The following GPRASP1 variants were observed in gnomAD, a reference collection of about 807,000 sequenced individuals.
The protein encoded by GPRASP1 is G protein-coupled receptor-associated sorting protein 1.
Under a neutral mutation model 68.4 loss-of-function variants are expected in GPRASP1, and 28 were observed. The observed-to-expected ratio is 0.41, with a 90% confidence interval of 0.30 to 0.56. GPRASP1 has a LOEUF of 0.56. Ranked by LOEUF, GPRASP1 falls within the 20% of genes least tolerant of loss-of-function variation. GPRASP1 has a pLI of 0.29. For synonymous variants in GPRASP1, 304 were observed against 358.2 expected, an observed-to-expected ratio of 0.85 and a Z score of 1.71; for missense variants, 913 against 1,031.5, an observed-to-expected ratio of 0.89 and a Z score of 1.57.
At position 102,657,895 on chromosome X, in the gene GPRASP1, A is replaced by C. The variant is rs774704493; in HGVS notation, c.3982A>C (p.Arg1328=). Residue 1328 remains arginine (R), a synonymous_variant, in exon 6 of 6, where the codon AGG becomes CGG. Transcript: ENST00000537097. ...AVSEFIGLFN[R]EETNDNIQIV... is the part of the protein sequence containing the mutation. ...GTCAGAATTTATAGGCCTCTTTAAC[A>C]GGGAAGAGACAAATGACAATATTCA... 8.4e-7 allele frequency: 1 copy of C among 1,185,963 alleles called. No individual in the cohort carries two copies. The highest frequency in any genetic ancestry group is 1.1e-6 in the Non-Finnish European group (1 of 874,156).
chrX:102,654,015 G>C lies in GPRASP1; in HGVS notation c.102G>C (p.Leu34=). The C allele has an allele frequency of 8.3e-7, 1 of 1,211,086 alleles. No homozygotes were observed. The highest frequency in any genetic ancestry group is 1.1e-6 in the Non-Finnish European group (1 of 894,547). Residue 34 remains leucine (L), a synonymous_variant, in exon 6 of 6, where the codon CTG becomes CTC. Coordinates refer to ENST00000537097, the MANE Select transcript of GPRASP1 (RefSeq NM_001184727.2). ...CTGAGATAGAGAATGATGTCCCTCT[G>C]GTGGTCAGACCCAAGGTTAGGACCC... ...GGAEIENDVP[L]VVRPKVRTQA... is the part of the protein sequence containing the mutation.
intron 3 of GPRASP1, among the ~76,000 whole-genome samples, chrX:102,652,489 A>T (rs1386222521): frequency 1.8e-5 from 2 of 112,853 alleles, no homozygotes. Context: ...AGGGAGACAT[A>T]CTGACAAGTA....
At position 102,655,469 on chromosome X, in the gene GPRASP1, G is replaced by A. The variant is rs2081400152; in HGVS notation, c.1556G>A (p.Gly519Glu). The change falls in exon 6 of 6, where the codon GGG (glycine) becomes GAG (glutamate). Residue 519 changes from glycine (G) to glutamate (E), a missense_variant. Gly to Glu is a moderately conservative substitution (Grantham distance 98). Transcript: ENST00000537097. ...GAGGCTGAGGAAGAGACCATTTTTGGGTCGTGGTTCTGGGTCATTGATGCG... is the reference window on the plus strand; with the variant it reads ...GAGGCTGAGGAAGAGACCATTTTTGAGTCGTGGTTCTGGGTCATTGATGCG... ...NQEAEEETIFGSWFWVIDAAS... is the reference protein window; with the variant it reads ...NQEAEEETIFESWFWVIDAAS... 1 of 1,211,397 alleles carries A rather than the reference G, an allele frequency of 8.3e-7. No individual in the cohort carries two copies. The highest frequency in any genetic ancestry group is 1.1e-6 in the Non-Finnish European group (1 of 895,304).
Position 102,654,277 on chromosome X carries a change from G to A in GPRASP1, c.364G>A (p.Val122Ile). Residue 122 changes from valine to isoleucine, a missense_variant, in exon 6 of 6, where the codon GTC becomes ATC. Val to Ile is a conservative substitution (Grantham distance 29). Transcript: ENST00000537097. ...SQTNIIASPLVSTDSVLVAKT... is the reference protein window; with the variant it reads ...SQTNIIASPLISTDSVLVAKT... ...GACCAATATCATAGCCTCTCCACTT[G>A]TCAGTACTGATTCTGTCTTGGTTGC... 8.3e-7 allele frequency: 1 copy of A among 1,210,331 alleles called. No individual in the cohort carries two copies. The highest frequency in any genetic ancestry group is 1.1e-6 in the Non-Finnish European group (1 of 893,963).
In GPRASP1 at chrX:102,657,596, C is replaced by T. The variant is rs750050893; in HGVS notation, c.3683C>T (p.Pro1228Leu). The T allele has an allele frequency of 1.8e-5, 22 of 1,209,448 alleles. No homozygotes were observed. Among genetic ancestry groups the T allele is most frequent in the Middle Eastern group, 4.6e-4 (2 of 4,374 alleles). ...ATGATTCGCATGGCCCCACCTTATCCGAATCTAAACATAATTCAGACATAC... is the reference window on the plus strand; with the variant it reads ...ATGATTCGCATGGCCCCACCTTATCTGAATCTAAACATAATTCAGACATAC... Reference protein sequence around the residue: ...ENMIRMAPPYPNLNIIQTYIC... With the variant: ...ENMIRMAPPYLNLNIIQTYIC... Residue 1228 changes from proline (P) to leucine (L), a missense_variant, in exon 6 of 6, where the codon CCG becomes CTG. Pro to Leu is a moderately conservative substitution (Grantham distance 98, BLOSUM62 -3). Coordinates refer to ENST00000537097, the MANE Select transcript of GPRASP1 (RefSeq NM_001184727.2).
chrX:102,657,386 A>C lies in GPRASP1; in HGVS notation c.3473A>C (p.Glu1158Ala). 1 of 1,210,636 alleles carries C rather than the reference A, an allele frequency of 8.3e-7. No individual in the cohort carries two copies. The change falls in exon 6 of 6, where the codon GAA (glutamate) becomes GCA (alanine). Residue 1158 changes from glutamate (E) to alanine (A), a missense_variant. Physicochemically the swap from Glu to Ala is moderately radical, Grantham distance 107. Coordinates refer to ENST00000537097, the MANE Select transcript of GPRASP1 (RefSeq NM_001184727.2). ...AAAATTGGTTCTGAAGAGTTTGAAG[A>C]ACTCCTTTTATTAATGGAAAAAATT... is the stretch of plus-strand genomic sequence containing the variant. ...ELKIGSEEFEELLLLMEKIRD... is the reference protein window; with the variant it reads ...ELKIGSEEFEALLLLMEKIRD...
Position 102,651,494 on chromosome X carries a change from T to G in GPRASP1, c.-720T>G, listed in dbSNP as rs914206454. 8.9e-5 allele frequency: 10 copies of G among 112,536 alleles called. No homozygotes were observed. Among genetic ancestry groups the G allele is most frequent in the Non-Finnish European group, 1.9e-4 (10 of 53,319 alleles). 9.3% of individuals were successfully genotyped at this position (112,536 alleles called of 1,213,427 possible). A position where few individuals can be genotyped will look rare whatever the true frequency, so the allele number is the denominator to read the frequency against. On this transcript the variant is annotated 5_prime_UTR_variant, in exon 1 of 6. In the 5' UTR this introduces an upstream ATG that the reference lacks. Coordinates refer to ENST00000537097, the MANE Select transcript of GPRASP1 (RefSeq NM_001184727.2). ...GGGGGGCGGGACTCGTCTTTGCCAT[T>G]CGGATCGCTGGGAAAGCGGTGGGAA...
intron 2 of GPRASP1, among the ~76,000 whole-genome samples, chrX:102,651,971 G>T (rs1475790033): frequency 1.8e-5 from 2 of 112,368 alleles, no homozygotes; most frequent in Admixed American, 9.3e-5. Flanking sequence ...GAGCCGTGTT[G>T]GGGGGCGCCC....
Position 102,656,072 on chromosome X carries a change from T to C in GPRASP1, c.2159T>C (p.Ile720Thr), listed in dbSNP as rs1407787070. 8.3e-7 allele frequency: 1 copy of C among 1,210,923 alleles called. No homozygotes were observed. The highest frequency in any genetic ancestry group is 3.0e-5 in the East Asian group (1 of 33,840). ...AAATACACAAAGCCAGAGGCCATTA[T>C]AGGGTCCTGGTTATGGGCTACAGAA... ...SRKYTKPEAI[I>T]GSWLWATEES... The change falls in exon 6 of 6, where the codon ATA becomes ACA. Residue 720 changes from isoleucine (I) to threonine (T), a missense_variant. Physicochemically the swap from Ile to Thr is moderately conservative, Grantham distance 89. Transcript: ENST00000537097.
In GPRASP1 at chrX:102,656,188, G is replaced by A; in HGVS notation, c.2275G>A (p.Ala759Thr). The change falls in exon 6 of 6, where the codon GCC becomes ACC. Residue 759 changes from alanine (A) to threonine (T), a missense_variant. By Grantham distance (58) the Ala-to-Thr change is moderately conservative. Transcript: ENST00000537097. Reference protein sequence around the residue: ...INSWFWKEDEAISEATDREES... With the variant: ...INSWFWKEDETISEATDREES... ...TTCCTGGTTCTGGAAAGAAGATGAA[G>A]CCATTTCAGAGGCTACTGACAGAGA... The A allele has an allele frequency of 8.3e-7, 1 of 1,211,107 alleles. No individual in the cohort carries two copies. The highest frequency in any genetic ancestry group is 1.1e-6 in the Non-Finnish European group (1 of 894,919).
rs1030015542 is a variant in GPRASP1, at chrX:102,657,255, G to A, written c.3342G>A (p.Gln1114=). 8.3e-7 allele frequency: 1 copy of A among 1,208,538 alleles called. No individual in the cohort carries two copies. The highest frequency in any genetic ancestry group is 1.8e-5 in the African/African-American group (1 of 57,129). The change falls in exon 6 of 6, where the codon CAG becomes CAA. Residue 1114 remains glutamine (Q), a synonymous_variant. Coordinates refer to ENST00000537097, the MANE Select transcript of GPRASP1 (RefSeq NM_001184727.2). ...AGCCTAGTCCTGAGTTCCCATTTCA[G>A]TATGATCCTTCCTACAGGTCAGTCC... The part of the protein sequence containing the change: ...PDQPSPEFPF[Q]YDPSYRSVQE...
intron 2 of GPRASP1, 150 bp from the exon 3 acceptor site, chrX:102,652,025 C>G (rs1375911059): frequency 8.9e-6 from 1 of 112,461 alleles, no homozygotes; most frequent in Non-Finnish European, 1.9e-5. Context: ...CGTGGGCCAG[C>G]GTCCCAGCTC....
At chrX:102,652,926 C>G (rs1241554804) in intron 4 of GPRASP1, 28 bp downstream of exon 4, 4 of 111,357 alleles carry the variant, frequency 3.6e-5, no homozygotes, top group Non-Finnish European at 7.5e-5. Context: ...GGGGGCAATT[C>G]AGGGGACAGT....
chrX:102,654,702 C>G lies in GPRASP1; in HGVS notation c.789C>G (p.Phe263Leu). The G allele has an allele frequency of 2.5e-6, 3 of 1,211,369 alleles. No individual in the cohort carries two copies. The highest frequency in any genetic ancestry group is 3.4e-6 in the Non-Finnish European group (3 of 895,037). The part of the protein sequence containing the change: ...SEDESVKTPW[F>L]WARDKTNTWS... ...ATGAGTCTGTTAAGACACCCTGGTT[C>G]TGGGCCAGAGATAAAACCAATACCT... The change falls in exon 6 of 6, where the codon TTC (phenylalanine) becomes TTG (leucine). Residue 263 changes from phenylalanine to leucine, a missense_variant. Transcript: ENST00000537097.
chrX:102,657,769 G>C lies in GPRASP1; in HGVS notation c.3856G>C (p.Ala1286Pro). The change falls in exon 6 of 6, where the codon GCT (alanine) becomes CCT (proline). Residue 1286 changes from alanine (A) to proline (P), a missense_variant. Transcript: ENST00000537097. ...TATGTCTGGGTTTCTCTCCTTATTA[G>C]CTACAGGCAATGCCAAAACAAGGTT... is the stretch of plus-strand genomic sequence containing the variant. ...NYMSGFLSLL[A>P]TGNAKTRFHV... is the part of the protein sequence containing the mutation. The C allele has an allele frequency of 6.6e-6, 8 of 1,206,162 alleles. No homozygotes were observed. The highest frequency in any genetic ancestry group is 9.0e-6 in the Non-Finnish European group (8 of 890,615).
chrX:102,654,874 A>C lies in GPRASP1; in HGVS notation c.961A>C (p.Met321Leu), dbSNP rs1432744006. The change falls in exon 6 of 6, where the codon ATG becomes CTG. Residue 321 changes from methionine to leucine, a missense_variant. Met to Leu is a conservative substitution (Grantham distance 15). Coordinates refer to ENST00000537097, the MANE Select transcript of GPRASP1 (RefSeq NM_001184727.2). ...AAAGGAGGCCAAATTCAGGTCCAAA[A>C]TGAGAGCTGGGAAGGAGGCCAATAA... ...AGKEAKFRSK[M>L]RAGKEANNRA... 1 of 1,211,855 alleles carries C rather than the reference A, an allele frequency of 8.3e-7. No homozygotes were observed. The highest frequency in any genetic ancestry group is 1.1e-6 in the Non-Finnish European group (1 of 895,257).
In GPRASP1 at chrX:102,653,225, C is replaced by T. The variant is rs2081372174; in HGVS notation, c.-408C>T. 9.0e-6 allele frequency: 1 copy of T among 111,498 alleles called. No individual in the cohort carries two copies. Among genetic ancestry groups the T allele is most frequent in the South Asian group, 3.8e-4 (1 of 2,647 alleles). The allele number at this position is 111,498 out of a possible 1,213,427, so 9.2% of individuals were successfully genotyped here. ...TGTATGTTTACTTGTCTGTAGGACCCCCTTCTGTCAGCTGTGGGGCTTGAC... is the reference window on the plus strand; with the variant it reads ...TGTATGTTTACTTGTCTGTAGGACCTCCTTCTGTCAGCTGTGGGGCTTGAC... On this transcript the variant is annotated 5_prime_UTR_variant, in exon 5 of 6. Transcript: ENST00000537097.
Position 102,653,272 on chromosome X carries a change from G to A in GPRASP1, c.-361G>A. ...TGACACTACTTGAACAAGAAAAGGAGGGGGAAACTGCACCACATAAGTGAA... is the reference window on the plus strand; with the variant it reads ...TGACACTACTTGAACAAGAAAAGGAAGGGGAAACTGCACCACATAAGTGAA... On this transcript the variant is annotated 5_prime_UTR_variant, in exon 5 of 6. Coordinates refer to ENST00000537097, the MANE Select transcript of GPRASP1 (RefSeq NM_001184727.2). 9.0e-6 allele frequency: 1 copy of A among 111,650 alleles called. No individual in the cohort carries two copies. The highest frequency in any genetic ancestry group is 1.9e-5 in the Non-Finnish European group (1 of 53,130). The allele number at this position is 111,650 out of a possible 1,213,427, so 9.2% of individuals were successfully genotyped here.
In GPRASP1 at chrX:102,656,041, T is replaced by A; in HGVS notation, c.2128T>A (p.Ser710Thr). Residue 710 changes from serine to threonine, a missense_variant, in exon 6 of 6, where the codon TCC becomes ACC. Ser to Thr is a moderately conservative substitution (Grantham distance 58). Transcript: ENST00000537097. ...EEDIVNSWFW[S>T]RKYTKPEAII... ...GGACATTGTCAATTCGTGGTTCTGG[T>A]CCAGAAAATACACAAAGCCAGAGGC... The A allele has an allele frequency of 1.7e-6, 2 of 1,210,990 alleles. No individual in the cohort carries two copies. Among genetic ancestry groups the A allele is most frequent in the Non-Finnish European group, 2.2e-6 (2 of 895,039 alleles).
Sources: gnomAD v4.1 joint callset for allele counts (sites outside exome capture counted in the v4.1 genomes callset) on GRCh38, gnomAD v4.1.1 for gene constraint, MANE v1.5 for transcripts, NCBI Gene and HGNC (gene_info 2026-07-23, HGNC 2026-07-21) for gene names.